Variants in TRIM44 observed in about 807,000 individuals in gnomAD.
The protein encoded by TRIM44 is tripartite motif-containing protein 44.
A neutral mutation model predicts 37.4 loss-of-function variants in TRIM44; 13 were observed. The observed-to-expected ratio is 0.35, with a 90% CI of 0.23 to 0.55. The LOEUF (loss-of-function observed/expected upper bound fraction) is 0.55. Among genes scored for constraint, TRIM44 ranks in the 20% least tolerant of loss-of-function variants. TRIM44 has a pLI of 0.89. For synonymous variants in TRIM44, 175 were observed against 157.2 expected (o/e 1.11, Z -0.85); for missense variants, 426 against 437.2 (o/e 0.97, Z 0.23).
chr11:35,687,224 C>G (rs1012359438), intron 2 of TRIM44, among the ~76,000 whole-genome samples: 16 of 152,170 alleles, frequency 1.1e-4, no homozygotes, highest in African/African-American at 3.9e-4. Context: ...TGTGGCAGAG[C>G]CATAGACTGG....
intron 4 of TRIM44, among the ~76,000 whole-genome samples, chr11:35,773,291 AGTATC>A (rs995764637): frequency 1.8e-4 from 28 of 152,016 alleles, no homozygotes; most frequent in African/African-American, 6.0e-4. Context: ...TTTTTAAAGA[AGTATC>A]TATTCATGTC....
chr11:35,740,249 G>A (rs2135523826), intron 4 of TRIM44, among the ~76,000 whole-genome samples: 2 of 151,306 alleles, frequency 1.3e-5, no homozygotes, highest in African/African-American at 4.9e-5. Context: ...CTCACAGGTT[G>A]GCTCCTTCTC....
At chr11:35,687,980 A>C (rs1222733219) in intron 2 of TRIM44, among the ~76,000 whole-genome samples, 1 of 152,230 alleles carries the variant, frequency 6.6e-6, no homozygotes, top group Admixed American at 6.5e-5. Flanking sequence ...AATGACTGCC[A>C]GGTCAGGAAT....
intron 3 of TRIM44, among the ~76,000 whole-genome samples, chr11:35,728,533 C>T (rs1428571691): frequency 6.6e-6 from 1 of 152,130 alleles, no homozygotes; most frequent in African/African-American, 2.4e-5. Flanking sequence ...ACAGAGATAG[C>T]GTTCAGCCAC....
intron 2 of TRIM44, among the ~76,000 whole-genome samples, chr11:35,687,543 A>G (rs1022746001): frequency 2.0e-5 from 3 of 152,192 alleles, no homozygotes; most frequent in Non-Finnish European, 2.9e-5. Flanking sequence ...AGACAACCAT[A>G]TTCTGATTCC....
chr11:35,666,777 T>C (rs1851337444), intron 1 of TRIM44, among the ~76,000 whole-genome samples: 1 of 152,164 alleles, frequency 6.6e-6, no homozygotes, highest in Admixed American at 6.5e-5. Context: ...AAATAAATGG[T>C]TTTAAGTTTT....
In TRIM44 at chr11:35,806,736, G is replaced by T; in HGVS notation, c.*351G>T. ...CCAAACAGTATCGCTTTGTTAGGAA[G>T]GATCTGGAATAATCTTGAAGGGAAG... On this transcript the variant is annotated 3_prime_UTR_variant, in exon 5 of 5. Transcript: ENST00000299413. 1 of 219,902 alleles carries T rather than the reference G, an allele frequency of 4.5e-6. No homozygotes were observed. The highest frequency in any genetic ancestry group is 9.1e-6 in the Non-Finnish European group (1 of 110,432). The allele number at this position is 219,902 out of a possible 1,614,324, so 13.6% of individuals were successfully genotyped here.
intron 2 of TRIM44, among the ~76,000 whole-genome samples, chr11:35,702,830 G>A (rs1441030393): frequency 3.3e-5 from 5 of 152,236 alleles, no homozygotes; most frequent in Admixed American, 6.5e-5. Flanking sequence ...CGTGAGCAAC[G>A]CAGAAGACGG....
chr11:35,725,908 T>G lies in TRIM44; in HGVS notation c.748-16T>G. On this transcript the variant is annotated splice_polypyrimidine_tract_variant and intron_variant, in intron 2 of 4. Coordinates refer to ENST00000299413, the MANE Select transcript of TRIM44 (RefSeq NM_017583.6). Reference sequence around the variant, plus strand: ...GTATGTTCAACTTATTCTTCTTATTTGTCTCTGTTCTAAAGGTAACTCGGG... The same window carrying G: ...GTATGTTCAACTTATTCTTCTTATTGGTCTCTGTTCTAAAGGTAACTCGGG... 6.2e-7 allele frequency: 1 copy of G among 1,611,412 alleles called. No homozygotes were observed.
chr11:35,683,861 A>C (rs1175336821), intron 1 of TRIM44, among the ~76,000 whole-genome samples: 2 of 152,000 alleles, frequency 1.3e-5, no homozygotes, highest in African/African-American at 4.8e-5. Context: ...GGATACAAAA[A>C]AATACAGTTC....
intron 1 of TRIM44, 80 bp downstream of exon 1, chr11:35,663,860 A>T: frequency 6.8e-7 from 1 of 1,480,106 alleles, no homozygotes; most frequent in Non-Finnish European, 9.0e-7. Flanking sequence ...CTGTGACCAC[A>T]TTCGCTTTCA....
chr11:35,797,874 T>C (rs2957949), intron 4 of TRIM44, among the ~76,000 whole-genome samples: 369 of 152,276 alleles, frequency 2.4e-3, no homozygotes, highest in African/African-American at 8.5e-3. Flanking sequence ...ATATGAACTT[T>C]AGTATGAAGG....
At chr11:35,699,294 C>T (rs1280979961) in intron 2 of TRIM44, among the ~76,000 whole-genome samples, 1 of 152,066 alleles carries the variant, frequency 6.6e-6, no homozygotes, top group Non-Finnish European at 1.5e-5. Context: ...AAGTCTGGTT[C>T]AACATACGCA....
At chr11:35,699,872 T>C (rs970511223) in intron 2 of TRIM44, among the ~76,000 whole-genome samples, 7 of 151,794 alleles carry the variant, frequency 4.6e-5, no homozygotes, top group African/African-American at 7.3e-5. Flanking sequence ...GACTAAAATA[T>C]CTAGGAATCC....
intron 2 of TRIM44, among the ~76,000 whole-genome samples, chr11:35,724,696 G>A (rs780839219): frequency 2.0e-5 from 3 of 152,062 alleles, no homozygotes; most frequent in African/African-American, 7.2e-5. Flanking sequence ...GCTAGCAGTT[G>A]TATTTTCTTT....
intron 2 of TRIM44, among the ~76,000 whole-genome samples, chr11:35,687,786 T>C (rs1851598347): frequency 6.6e-6 from 1 of 152,194 alleles, no homozygotes; most frequent in Non-Finnish European, 1.5e-5. Flanking sequence ...TAAAGGATAT[T>C]TGTAAGGACC....
chr11:35,788,688 C>G (rs1352778891), intron 4 of TRIM44, among the ~76,000 whole-genome samples: 1 of 152,166 alleles, frequency 6.6e-6, no homozygotes, highest in Non-Finnish European at 1.5e-5. Context: ...TTGCTGGACC[C>G]CTACAGTTAA....
chr11:35,711,502 A>G (rs1476231383), intron 2 of TRIM44, among the ~76,000 whole-genome samples: 1 of 151,448 alleles, frequency 6.6e-6, no homozygotes, highest in Non-Finnish European at 1.5e-5. Flanking sequence ...ATAGGGAATA[A>G]TAGTACATAT....
At chr11:35,690,123 C>T (rs1851623794) in intron 2 of TRIM44, among the ~76,000 whole-genome samples, 1 of 152,152 alleles carries the variant, frequency 6.6e-6, no homozygotes, top group Non-Finnish European at 1.5e-5. Context: ...CCCAAGGCTT[C>T]CTGAAACAGC....
Sources: gnomAD v4.1 joint callset for allele counts (sites outside exome capture counted in the v4.1 genomes callset) on GRCh38, gnomAD v4.1.1 for gene constraint, MANE v1.5 for transcripts, NCBI Gene and HGNC (gene_info 2026-07-23, HGNC 2026-07-21) for gene names.